FBXO34: variants seen among roughly 807,000 people sequenced by gnomAD.
FBXO34 encodes F-box protein 34, also known as F-box only protein 34.
FBXO34 carries 12 observed loss-of-function variants against 24.5 expected under a neutral mutation model. The observed-to-expected ratio is 0.49, with a 90% CI of 0.31 to 0.79. The LOEUF (loss-of-function observed/expected upper bound fraction) is 0.79. Among genes scored for constraint, FBXO34 ranks in the 30% least tolerant of loss-of-function variants. FBXO34 has a pLI of 0.04. For synonymous variants in FBXO34, 320 were observed against 311.9 expected (o/e 1.03, Z -0.27); for missense variants, 823 against 857.7 (o/e 0.96, Z 0.51).
the FBXO34 span, among the ~76,000 whole-genome samples, chr14:55,391,471 TA>T: frequency 4.0e-3 from 305 of 75,806 alleles, no homozygotes; most frequent in Middle Eastern, 0.056. Flanking sequence ...TGAGACTCCA[TA>T]AAAAAAAAAA....
chr14:55,347,639 G>A (rs1377615954), intron 1 of FBXO34, among the ~76,000 whole-genome samples: 1 of 152,134 alleles, frequency 6.6e-6, no homozygotes, highest in Non-Finnish European at 1.5e-5. Flanking sequence ...TCTGTTCCCT[G>A]GGATCACCTC....
intron 1 of FBXO34, among the ~76,000 whole-genome samples, chr14:55,347,612 A>G (rs926446321): frequency 2.6e-5 from 4 of 152,080 alleles, no homozygotes; most frequent in Non-Finnish European, 4.4e-5. Context: ...CTTACTGGCT[A>G]TTTTCCTTCC....
At chr14:55,302,294 ATAGATAGG>A (rs1328519268) in intron 1 of FBXO34, among the ~76,000 whole-genome samples, 7 of 152,250 alleles carry the variant, frequency 4.6e-5, no homozygotes, top group Non-Finnish European at 7.3e-5. Flanking sequence ...CTATATAGAG[ATAGATAGG>A]TAGATAGGTA....
chr14:55,367,943 A>T (rs750882572), exon 3 of FBXO34: 1 of 152,564 alleles, frequency 6.6e-6, no homozygotes, highest in Non-Finnish European at 1.5e-5. Context: ...TATCAACTAC[A>T]ATTATTATGA....
intron 1 of FBXO34, among the ~76,000 whole-genome samples, chr14:55,274,062 C>G (rs1881255320): frequency 6.6e-6 from 1 of 152,068 alleles, no homozygotes; most frequent in South Asian, 2.1e-4. Context: ...CCTCAGCCTC[C>G]CAAAGTGCTG....
At chr14:55,394,491 A>T in the FBXO34 span, among the ~76,000 whole-genome samples, 6 of 152,202 alleles carry the variant, frequency 3.9e-5, no homozygotes, top group Admixed American at 3.9e-4. Flanking sequence ...TTATAAAGTC[A>T]TCAAGTACCA....
rs1340871542 is a variant in FBXO34 at position 55,333,532 on chromosome 14, A to AT, written c.-10-16849_-10-16848insT. On this transcript the variant is annotated intron_variant, in intron 1 of 1. Coordinates refer to ENST00000313833, the MANE Select transcript of FBXO34 (RefSeq NM_017943.4). The stretch of plus-strand genomic sequence containing the variant: ...TTAATAAAACCTTGTGGCTCTTAAA[A>AT]ATATATAAAAACTGTTACACAGAAA... 2.0e-5 allele frequency among the ~76,000 whole-genome samples: 3 copies of AT among 152,358 alleles called. No individual in the cohort carries two copies. The East Asian group carries it at 5.8e-4, about 29-fold the overall frequency.
intron 1 of FBXO34, among the ~76,000 whole-genome samples, chr14:55,338,286 T>C (rs1883862319): frequency 6.6e-6 from 1 of 151,894 alleles, no homozygotes; most frequent in African/African-American, 2.4e-5. Flanking sequence ...CCTGACCCCA[T>C]GATCTGCCCG....
the FBXO34 span, among the ~76,000 whole-genome samples, chr14:55,434,711 C>T: frequency 6.6e-6 from 1 of 152,118 alleles, no homozygotes; most frequent in Non-Finnish European, 1.5e-5. Context: ...TATGAAATAT[C>T]AAAAGGAAAG....
chr14:55,294,333 C>G (rs1350055974), intron 1 of FBXO34, among the ~76,000 whole-genome samples: 1 of 151,990 alleles, frequency 6.6e-6, no homozygotes, highest in East Asian at 1.9e-4. Flanking sequence ...CTGGCTCTGT[C>G]TCCCAGGCTG....
At chr14:55,334,100 C>G (rs1401615521) in intron 1 of FBXO34, among the ~76,000 whole-genome samples, 1 of 152,110 alleles carries the variant, frequency 6.6e-6, no homozygotes, top group East Asian at 1.9e-4. Flanking sequence ...TGGAAAAAAG[C>G]TGCTACACAA....
At chr14:55,312,193 C>T (rs1882766326) in intron 1 of FBXO34, among the ~76,000 whole-genome samples, 1 of 151,930 alleles carries the variant, frequency 6.6e-6, no homozygotes, top group South Asian at 2.1e-4. Context: ...CAGTGTGAGA[C>T]TTTGTCTCAA....
chr14:55,285,037 A>G (rs1317259053), intron 1 of FBXO34, among the ~76,000 whole-genome samples: 1 of 142,606 alleles, frequency 7.0e-6, no homozygotes, highest in African/African-American at 2.5e-5. Context: ...GGTGAGGTTA[A>G]AAAAAAAAAA....
At chr14:55,422,885 A>G in the FBXO34 span, among the ~76,000 whole-genome samples, 1 of 152,090 alleles carries the variant, frequency 6.6e-6, no homozygotes. Context: ...ACAACAATAT[A>G]TATAGCAACC....
At chr14:55,333,262 G>A (rs1883660594) in intron 1 of FBXO34, among the ~76,000 whole-genome samples, 1 of 152,212 alleles carries the variant, frequency 6.6e-6, no homozygotes, top group Non-Finnish European at 1.5e-5. Flanking sequence ...AGAAATTTTT[G>A]TTGAGGGAGT....
intron 1 of FBXO34, among the ~76,000 whole-genome samples, chr14:55,305,183 C>T (rs984621496): frequency 6.6e-5 from 10 of 152,122 alleles, no homozygotes; most frequent in African/African-American, 2.2e-4. Context: ...GAGGTCGAGG[C>T]GGGTGGATCA....
At chr14:55,440,662 A>C in the FBXO34 span, 1 of 1,222,354 alleles carries the variant, frequency 8.2e-7, no homozygotes, top group Non-Finnish European at 1.1e-6. Flanking sequence ...CTACCGGCCC[A>C]TGGGCGCTGG....
At chr14:55,416,577 G>C in the FBXO34 span, among the ~76,000 whole-genome samples, 26 of 152,302 alleles carry the variant, frequency 1.7e-4, no homozygotes, top group East Asian at 1.7e-3. Flanking sequence ...AAGAGAAACT[G>C]GTTCTTTGGG....
chr14:55,386,224 A>G, the FBXO34 span: 2 of 743,486 alleles, frequency 2.7e-6, no homozygotes, highest in East Asian at 2.6e-5. Context: ...GAATAATATA[A>G]TGTTCACTAA....
Sources: allele counts gnomAD v4.1 joint callset (sites outside exome capture counted in the v4.1 genomes callset), GRCh38; gene constraint gnomAD v4.1.1; transcripts MANE v1.5; gene names NCBI Gene and HGNC (gene_info 2026-07-23, HGNC 2026-07-21).